ZNF652: variants seen among roughly 807,000 people sequenced by gnomAD.
ZNF652 encodes zinc finger protein 652.
In ZNF652, 16 loss-of-function variants were observed where a neutral mutation model predicts 45.2. The ratio of observed to expected loss-of-function variants is 0.35; its 90% CI spans 0.24 to 0.54. The LOEUF (loss-of-function observed/expected upper bound fraction) is 0.54. Among genes scored for constraint, ZNF652 ranks in the 20% least tolerant of loss-of-function variants. The pLI is 0.91. For missense variants in ZNF652, 614 were observed against 765.6 expected, an observed-to-expected ratio of 0.80 and a Z score of 2.34; for synonymous variants, 250 against 260.6, an observed-to-expected ratio of 0.96 and a Z score of 0.39.
rs768544843 is a variant in ZNF652 at position 49,316,844 on chromosome 17, G to T, written c.882C>A (p.Asp294Glu). 1.1e-5 allele frequency: 17 copies of T among 1,609,000 alleles called. No homozygotes were observed. Among genetic ancestry groups the T allele is most frequent in the Non-Finnish European group, 1.4e-5 (17 of 1,178,426 alleles). Residue 294 changes from aspartate to glutamate, a missense_variant, in exon 2 of 6, where the codon GAC (aspartate) becomes GAA (glutamate). Asp to Glu is a conservative substitution (Grantham distance 45). Around this residue, in one of 5 missense-constraint regions of ZNF652, gnomAD observed 262 missense variants for 306.3 expected, o/e 0.86. Coordinates refer to ENST00000430262, the MANE Select transcript of ZNF652 (RefSeq NM_001145365.3). Reference sequence around the variant, plus strand: ...AACCTACCTGAATGTTTTTTTCACAGTCTGTTTGCTGGTGAAGGGACAGCT... The same window carrying T: ...AACCTACCTGAATGTTTTTTTCACATTCTGTTTGCTGGTGAAGGGACAGCT... ...ESELSLHQQT[D>E]CEKNIQCVSC...
At chr17:49,313,157 AGTTT>A (rs1449372693) in intron 2 of ZNF652, among the ~76,000 whole-genome samples, 12 of 152,246 alleles carry the variant, frequency 7.9e-5, no homozygotes, top group Admixed American at 1.3e-4. Context: ...AGAAACTTCA[AGTTT>A]GTTTATTTAT....
chr17:49,351,021 ACACACACAC>A (rs2070275226), intron 1 of ZNF652, among the ~76,000 whole-genome samples: 1 of 71,982 alleles, frequency 1.4e-5, no homozygotes, highest in Non-Finnish European at 2.6e-5. Flanking sequence ...ATATACACAC[ACACACACAC>A]ACACACACAC....
At chr17:49,344,763 C>G (rs988605629) in intron 1 of ZNF652, among the ~76,000 whole-genome samples, 1 of 152,128 alleles carries the variant, frequency 6.6e-6, no homozygotes, top group African/African-American at 2.4e-5. Flanking sequence ...TCAGGCAATC[C>G]GCCTGCCTCA....
At chr17:49,351,839 T>A (rs951316088) in intron 1 of ZNF652, among the ~76,000 whole-genome samples, 2 of 151,990 alleles carry the variant, frequency 1.3e-5, no homozygotes, top group Non-Finnish European at 2.9e-5. Context: ...GTACAAAAAT[T>A]AGCCAGGTGC....
chr17:49,336,695 C>T (rs1235907378), intron 1 of ZNF652, among the ~76,000 whole-genome samples: 4 of 150,984 alleles, frequency 2.6e-5, no homozygotes, highest in African/African-American at 9.7e-5. Flanking sequence ...GACGCAATCT[C>T]GGCTTACTGC....
intron 5 of ZNF652, among the ~76,000 whole-genome samples, 194 bp downstream of exon 5, chr17:49,311,118 T>C (rs1276883205): frequency 1.3e-5 from 2 of 152,242 alleles, no homozygotes; most frequent in Non-Finnish European, 2.9e-5. Flanking sequence ...AATAATTCTT[T>C]TTTAAACAAT....
At chr17:49,349,286 C>T (rs2070245031) in intron 1 of ZNF652, among the ~76,000 whole-genome samples, 1 of 152,210 alleles carries the variant, frequency 6.6e-6, no homozygotes, top group Non-Finnish European at 1.5e-5. Flanking sequence ...GCCAGGCCAG[C>T]TATTCGGGAG....
rs2143694298 is a variant in ZNF652, at chr17:49,298,349, C to T, written c.*64G>A. On this transcript the variant is annotated 3_prime_UTR_variant, in exon 6 of 6. Transcript: ENST00000430262. ...TGAGAACTAAGGAAATGCTCACCGA[C>T]TCCCTCTGTGCACGCTCACACATGG... is the stretch of plus-strand genomic sequence containing the variant. 6.3e-7 allele frequency: 1 copy of T among 1,588,560 alleles called. No individual in the cohort carries two copies. Among genetic ancestry groups the T allele is most frequent in the East Asian group, 2.2e-5 (1 of 44,664 alleles).
At chr17:49,324,319 T>C (rs2069931770) in intron 1 of ZNF652, among the ~76,000 whole-genome samples, 2 of 152,246 alleles carry the variant, frequency 1.3e-5, no homozygotes, top group Non-Finnish European at 1.5e-5. Context: ...TAAAGGAATG[T>C]TGTGTTTGGC....
Position 49,317,617 on chromosome 17 carries a change from A to T in ZNF652, c.109T>A (p.Tyr37Asn). Reference protein sequence around the residue: ...SRRGQVPSSFYHGANQELDLS... With the variant: ...SRRGQVPSSFNHGANQELDLS... ...TCAAGTTCTTGGTTGGCACCATGATAAAAGGAAGATGGCACTTGACCACGA... is the reference window on the plus strand; with the variant it reads ...TCAAGTTCTTGGTTGGCACCATGATTAAAGGAAGATGGCACTTGACCACGA... Residue 37 changes from tyrosine to asparagine, a missense_variant, in exon 2 of 6, where the codon TAT becomes AAT. Tyr to Asn is a moderately radical substitution (Grantham distance 143, BLOSUM62 -2). Around this residue, in one of 5 missense-constraint regions of ZNF652, gnomAD observed 133 missense variants for 132.2 expected, o/e 1.01. Coordinates refer to ENST00000430262, the MANE Select transcript of ZNF652 (RefSeq NM_001145365.3). 1 of 1,614,146 alleles carries T rather than the reference A, an allele frequency of 6.2e-7. No homozygotes were observed. Among genetic ancestry groups the T allele is most frequent in the Non-Finnish European group, 8.5e-7 (1 of 1,179,998 alleles).
intron 1 of ZNF652, among the ~76,000 whole-genome samples, chr17:49,334,092 A>G (rs1445787444): frequency 6.6e-6 from 1 of 152,238 alleles, no homozygotes; most frequent in East Asian, 1.9e-4. Context: ...CAGAAGCATT[A>G]TTTATAATAG....
chr17:49,299,604 C>T (rs779533900), intron 5 of ZNF652, among the ~76,000 whole-genome samples: 2 of 152,058 alleles, frequency 1.3e-5, no homozygotes, highest in Non-Finnish European at 2.9e-5. Context: ...TGGTCTCGAA[C>T]TCCTGACCTC....
At position 49,298,409 on chromosome 17, in the gene ZNF652, GA is replaced by G. The variant is rs767931180; in HGVS notation, c.*3del. The stretch of plus-strand genomic sequence containing the variant: ...TCCTGGAGAACACACTAAGGAGACG[GA>G]TGTTAATGATGCTGTGCTGAACTGT... On this transcript the variant is annotated 3_prime_UTR_variant, in exon 6 of 6. Transcript: ENST00000430262. 6.8e-6 allele frequency: 11 copies of G among 1,612,300 alleles called. No homozygotes were observed. The highest frequency in any genetic ancestry group is 1.7e-5 in the Admixed American group (1 of 59,998).
At chr17:49,333,104 C>A (rs929513572) in intron 1 of ZNF652, among the ~76,000 whole-genome samples, 2 of 151,544 alleles carry the variant, frequency 1.3e-5, no homozygotes, top group Non-Finnish European at 2.9e-5. Context: ...GTCGCCCAGG[C>A]TGGAGTGCAG....
chr17:49,334,672 G>A (rs1349284789), intron 1 of ZNF652, among the ~76,000 whole-genome samples: 2 of 151,886 alleles, frequency 1.3e-5, no homozygotes, highest in African/African-American at 4.8e-5. Flanking sequence ...CCAACTACTT[G>A]AGAGGCTGAA....
chr17:49,336,662 T>C (rs1294034559), intron 1 of ZNF652, among the ~76,000 whole-genome samples: 1 of 151,096 alleles, frequency 6.6e-6, no homozygotes, highest in East Asian at 1.9e-4. Flanking sequence ...AGTCTTGCTC[T>C]GTCACCCAGG....
intron 2 of ZNF652, among the ~76,000 whole-genome samples, chr17:49,315,665 C>A (rs923278159): frequency 6.6e-6 from 1 of 151,888 alleles, no homozygotes; most frequent in African/African-American, 2.4e-5. Flanking sequence ...AGCAGTGCAC[C>A]ACACTCCCTT....
In ZNF652 at chr17:49,352,025, T is replaced by C. The variant is rs114433845; in HGVS notation, c.-259+9884A>G. Among the ~76,000 whole-genome samples the C allele has an allele frequency of 4.0e-3, 614 of 152,214 alleles. 5 individuals are homozygous for C. The highest frequency in any genetic ancestry group is 0.014 in the African/African-American group (564 of 41,520). ...AAAAAAACAAACAAAAAGTTAGCCA[T>C]CAGCCAAAAGACCCTAAGTTCACAG... is the stretch of plus-strand genomic sequence containing the variant. On this transcript the variant is annotated intron_variant, in intron 1 of 5. Transcript: ENST00000430262.
intron 1 of ZNF652, among the ~76,000 whole-genome samples, chr17:49,328,128 T>C (rs540960643): frequency 6.6e-6 from 1 of 152,146 alleles, no homozygotes; most frequent in East Asian, 1.9e-4. Flanking sequence ...TGAAAATACT[T>C]AGCAATAGTA....
Sources: allele counts gnomAD v4.1 joint callset (sites outside exome capture counted in the v4.1 genomes callset), GRCh38; gene constraint gnomAD v4.1.1; regional missense constraint gnomAD v4.1.1; transcripts MANE v1.5; gene names NCBI Gene and HGNC (gene_info 2026-07-23, HGNC 2026-07-21).